The following MTREX variants were observed in gnomAD, a reference collection of about 807,000 sequenced individuals.
MTREX encodes the protein Mtr4 exosome RNA helicase.
Under a neutral mutation model 135.4 loss-of-function variants are expected in MTREX, and 76 were observed. The ratio of observed to expected loss-of-function variants is 0.56; its 90% CI spans 0.47 to 0.68. The LOEUF is 0.68. MTREX is among the 30% of genes least tolerant of loss of function. The pLI, the probability that MTREX is intolerant of heterozygous loss-of-function variation, is 0.00. For synonymous variants in MTREX, 404 were observed against 401.6 expected (o/e 1.01, Z -0.07); for missense variants, 920 against 1,262.1 (o/e 0.73, Z 4.11).
intron 1 of MTREX, among the ~76,000 whole-genome samples, chr5:55,315,536 G>A (rs978878046): frequency 3.3e-5 from 5 of 151,768 alleles, no homozygotes; most frequent in African/African-American, 4.8e-5. Flanking sequence ...TATTTTTCGA[G>A]ACAGACAACA....
chr5:55,349,551 G>T (rs1248230898), intron 11 of MTREX, 22 bp from the exon 12 acceptor site: 2 of 1,314,224 alleles, frequency 1.5e-6, no homozygotes, highest in African/African-American at 2.9e-5. Context: ...TGATATTTCT[G>T]TACCCTTGAA....
chr5:55,415,662 T>C (rs1750955543), intron 24 of MTREX, among the ~76,000 whole-genome samples: 1 of 152,234 alleles, frequency 6.6e-6, no homozygotes, highest in African/African-American at 2.4e-5. Context: ...TAGAGATTAG[T>C]TAAATGCTGC....
intron 16 of MTREX, among the ~76,000 whole-genome samples, chr5:55,372,239 G>T (rs181296856): frequency 1.3e-5 from 2 of 152,000 alleles, no homozygotes; most frequent in Non-Finnish European, 2.9e-5. Flanking sequence ...GCCATAATGC[G>T]TGTTGTTACG....
chr5:55,324,036 A>T, intron 2 of MTREX, 96 bp from the exon 3 acceptor site: 1 of 827,500 alleles, frequency 1.2e-6, no homozygotes, highest in Non-Finnish European at 2.0e-6. Context: ...TGATGATTGG[A>T]CAGTGTCATT....
intron 5 of MTREX, among the ~76,000 whole-genome samples, chr5:55,337,788 A>G (rs1579856236): frequency 7.1e-6 from 1 of 140,836 alleles, no homozygotes; most frequent in South Asian, 2.2e-4. Context: ...TATATTTCTC[A>G]TGTTTTTTTT....
intron 9 of MTREX, 42 bp downstream of exon 9, chr5:55,344,662 T>A: frequency 8.9e-7 from 1 of 1,119,836 alleles, no homozygotes; most frequent in Non-Finnish European, 1.3e-6. Context: ...AATGTCATAC[T>A]TTATTATTAA....
intron 1 of MTREX, among the ~76,000 whole-genome samples, chr5:55,315,893 C>T (rs1023190311): frequency 6.7e-6 from 1 of 149,716 alleles, no homozygotes; most frequent in Middle Eastern, 3.2e-3. Flanking sequence ...GGAACGCTCA[C>T]ATCATTGTTT....
chr5:55,384,025 T>A (rs1387239123), intron 18 of MTREX, among the ~76,000 whole-genome samples: 1 of 152,148 alleles, frequency 6.6e-6, no homozygotes. Context: ...CCCGCCTTGG[T>A]CTCTCAAAGT....
chr5:55,313,382 A>AG (rs750327980), intron 1 of MTREX, among the ~76,000 whole-genome samples: 1 of 152,244 alleles, frequency 6.6e-6, no homozygotes, highest in Non-Finnish European at 1.5e-5. Context: ...TTGAGGCTGC[A>AG]GGGAGCTGTG....
chr5:55,332,773 T>C (rs1749498401), intron 5 of MTREX, among the ~76,000 whole-genome samples: 1 of 152,236 alleles, frequency 6.6e-6, no homozygotes, highest in African/African-American at 2.4e-5. Context: ...CAAATACCAT[T>C]ACTTTGGCAA....
chr5:55,377,668 C>T (rs1264247369), intron 16 of MTREX, among the ~76,000 whole-genome samples: 1 of 152,058 alleles, frequency 6.6e-6, no homozygotes, highest in African/African-American at 2.4e-5. Context: ...TCCATATTAA[C>T]AAAAAACCAG....
At position 55,344,522 on chromosome 5, in the gene MTREX, C is replaced by T; in HGVS notation, c.907C>T (p.Pro303Ser). Residue 303 changes from proline (P) to serine (S), a missense_variant and splice_region_variant, in exon 9 of 27, where the codon CCT becomes TCT. This residue lies in a region of MTREX where 88 missense variants were observed against 202.5 expected (regional missense o/e 0.43). Coordinates refer to ENST00000230640, the MANE Select transcript of MTREX (RefSeq NM_015360.5). Reference protein sequence around the residue: ...AEWICHLHKQPCHVIYTDYRP... With the variant: ...AEWICHLHKQSCHVIYTDYRP... ...TATGTTTAATTCTTTCTTTTTACAG[C>T]CTTGTCATGTTATTTACACAGATTA... 1 of 1,597,400 alleles carries T rather than the reference C, an allele frequency of 6.3e-7. No homozygotes were observed. The highest frequency in any genetic ancestry group is 8.6e-7 in the Non-Finnish European group (1 of 1,165,792).
intron 21 of MTREX, 74 bp from the exon 22 acceptor site, chr5:55,405,351 G>T: frequency 7.6e-7 from 1 of 1,307,738 alleles, no homozygotes; most frequent in African/African-American, 1.5e-5. Context: ...TTTTTTGTTT[G>T]ATTTCATGAA....
intron 1 of MTREX, among the ~76,000 whole-genome samples, chr5:55,315,896 CATT>C (rs1001426019): frequency 7.4e-5 from 11 of 149,354 alleles, no homozygotes; most frequent in Non-Finnish European, 1.3e-4. Context: ...ACGCTCACAT[CATT>C]GTTTTATACC....
At chr5:55,345,825 G>A (rs1300577786) in intron 10 of MTREX, among the ~76,000 whole-genome samples, 1 of 151,822 alleles carries the variant, frequency 6.6e-6, no homozygotes, top group Non-Finnish European at 1.5e-5. Context: ...CTGCCACCAT[G>A]CCTGGATAAT....
intron 3 of MTREX, among the ~76,000 whole-genome samples, chr5:55,326,302 A>G (rs1749376471): frequency 6.6e-6 from 1 of 152,202 alleles, no homozygotes; most frequent in Non-Finnish European, 1.5e-5. Flanking sequence ...CAGGAGGCTG[A>G]GGCAGGGGAA....
In MTREX at chr5:55,340,071, G is replaced by A; in HGVS notation, c.577G>A (p.Ala193Thr). ...QRVIFTSPIK[A>T]LSNQKYREMY... The stretch of plus-strand genomic sequence containing the variant: ...TGTAATATTTACCAGCCCAATTAAG[G>A]CTCTGAGTAACCAAAAATACCGTGA... The change falls in exon 6 of 27, where the codon GCT becomes ACT. Residue 193 changes from alanine to threonine, a missense_variant. Ala to Thr is a moderately conservative substitution (Grantham distance 58, BLOSUM62 0). Transcript: ENST00000230640. The A allele has an allele frequency of 6.2e-7, 1 of 1,601,822 alleles. No homozygotes were observed. The highest frequency in any genetic ancestry group is 8.5e-7 in the Non-Finnish European group (1 of 1,174,266).
At chr5:55,340,225 T>C in intron 6 of MTREX, 41 bp downstream of exon 6, 3 of 1,416,808 alleles carry the variant, frequency 2.1e-6, no homozygotes, top group Non-Finnish European at 2.8e-6. Flanking sequence ...CGTTTTTAAT[T>C]AAATTAATGT....
intron 4 of MTREX, 55 bp from the exon 5 acceptor site, chr5:55,328,644 A>G (rs1749420130): frequency 8.2e-7 from 1 of 1,215,428 alleles, no homozygotes; most frequent in Non-Finnish European, 1.2e-6. Context: ...GATTTTAAGT[A>G]TGCTCTGATA....
Sources: allele counts gnomAD v4.1 joint callset (sites outside exome capture counted in the v4.1 genomes callset), GRCh38; gene constraint gnomAD v4.1.1; regional missense constraint gnomAD v4.1.1; transcripts MANE v1.5; gene names NCBI Gene and HGNC (gene_info 2026-07-23, HGNC 2026-07-21).